Variants in AGAP1 observed in about 807,000 individuals in gnomAD.
AGAP1 encodes the protein arf-GAP with GTPase, ANK repeat and PH domain-containing protein 1.
AGAP1 carries 29 observed loss-of-function variants against 105.3 expected under a neutral mutation model. That is an observed-to-expected ratio of 0.28 (90% CI 0.21 to 0.38). The LOEUF (loss-of-function observed/expected upper bound fraction) is 0.38, where lower values mean the gene tolerates loss of function less well. AGAP1 is among the 10% of genes least tolerant of loss of function. AGAP1 has a pLI of 1.00. For synonymous variants in AGAP1, 509 were observed against 485.9 expected (o/e 1.05, Z -0.63); for missense variants, 998 against 1,165.1 (o/e 0.86, Z 2.09).
At position 235,621,247 on chromosome 2, in the gene AGAP1, C is replaced by T. The variant is rs1050763587; in HGVS notation, c.164-87932C>T. ...GTGTTGGCCAGGGTGGTCTTGAACT[C>T]CTGACCTCTGGTGATCCGCCCACCT... On this transcript the variant is annotated intron_variant, in intron 1 of 17. Transcript: ENST00000304032. This position sits in a 1 kb window ranked among gnomAD's most constrained non-coding sequence, Gnocchi z 4.1. Among the ~76,000 whole-genome samples the T allele has an allele frequency of 3.3e-5, 5 of 152,160 alleles. No individual in the cohort carries two copies. Among genetic ancestry groups the T allele is most frequent in the Admixed American group, 2.0e-4 (3 of 15,280 alleles).
rs1185559919 is a variant in AGAP1 at position 235,692,438 on chromosome 2, G to A, written c.164-16741G>A. Among the ~76,000 whole-genome samples the A allele has an allele frequency of 6.6e-6, 1 of 152,182 alleles. No homozygotes were observed. Among genetic ancestry groups the A allele is most frequent in the African/African-American group, 2.4e-5 (1 of 41,436 alleles). On this transcript the variant is annotated intron_variant, in intron 1 of 17. Transcript: ENST00000304032. The surrounding 1 kb of genome is among the most constrained non-coding windows in gnomAD (Gnocchi z 5.8). Reference sequence around the variant, plus strand: ...ACAGGAGGGGCACCAGCTAGAAAATGTGACCCATGTTGCCAACTCCCAAAA... The same window carrying A: ...ACAGGAGGGGCACCAGCTAGAAAATATGACCCATGTTGCCAACTCCCAAAA...
intron 1 of AGAP1, among the ~76,000 whole-genome samples, chr2:235,562,055 T>A (rs1211202572): frequency 6.6e-6 from 1 of 152,188 alleles, no homozygotes; most frequent in Admixed American, 6.5e-5. Context: ...ATATTTGAGC[T>A]GAGAGATTGG....
chr2:235,869,703 TACTTTC>T (rs1269626935), intron 9 of AGAP1, among the ~76,000 whole-genome samples: 3 of 152,230 alleles, frequency 2.0e-5, no homozygotes, highest in Non-Finnish European at 4.4e-5. Context: ...CTCCACAAGA[TACTTTC>T]TTAGGGCTAC....
chr2:235,798,797 A>G (rs35460790), intron 7 of AGAP1, among the ~76,000 whole-genome samples: 1,946 of 151,010 alleles, frequency 0.013, 21 homozygotes, highest in Middle Eastern at 0.024. Context: ...TCTGCCCAGC[A>G]GAAGAGCTAG....
Position 235,676,138 on chromosome 2 carries a change from A to AGAGG in AGAP1, c.164-33040_164-33037dup, listed in dbSNP as rs1948723506. 2.6e-5 allele frequency among the ~76,000 whole-genome samples: 4 copies of AGAGG among 152,242 alleles called. No individual in the cohort carries two copies. In the South Asian group the frequency reaches 8.3e-4, roughly 32 times the overall value. ...TAACTAGAGCACAGTTCCTGTCTTCAGAGGTCAGTAGCATACTGGAGGAGA... is the reference window on the plus strand; with the variant it reads ...TAACTAGAGCACAGTTCCTGTCTTCAGAGGGAGGTCAGTAGCATACTGGAGGAGA... On this transcript the variant is annotated intron_variant, in intron 1 of 17. Transcript: ENST00000304032.
At chr2:236,060,479 A>G (rs370749713) in intron 16 of AGAP1, among the ~76,000 whole-genome samples, 6 of 152,258 alleles carry the variant, frequency 3.9e-5, no homozygotes, top group African/African-American at 1.4e-4. Flanking sequence ...ACTGGAGCCC[A>G]GGAGTTTGAC....
rs558629808 is a variant in AGAP1, at chr2:235,958,451, C to T, written c.1484-10011C>T. 1.3e-4 allele frequency among the ~76,000 whole-genome samples: 20 copies of T among 152,142 alleles called. No individual in the cohort carries two copies. Among genetic ancestry groups the T allele is most frequent in the Admixed American group, 2.6e-4 (4 of 15,270 alleles). ...ACACATTTAGAGACCCTCGGGAGCG[C>T]GAGGGATATGAGAATCACAAGCACA... On this transcript the variant is annotated intron_variant, in intron 12 of 17. Coordinates refer to ENST00000304032, the MANE Select transcript of AGAP1 (RefSeq NM_001037131.3). The surrounding 1 kb of genome is among the most constrained non-coding windows in gnomAD (Gnocchi z 4.1).
At chr2:235,984,312 T>C (rs2055214055) in intron 13 of AGAP1, among the ~76,000 whole-genome samples, 1 of 152,208 alleles carries the variant, frequency 6.6e-6, no homozygotes, top group Admixed American at 6.5e-5. Context: ...CTTGGATTGT[T>C]TCCGCCTTTT....
intron 6 of AGAP1, among the ~76,000 whole-genome samples, chr2:235,767,682 G>A (rs1458742438): frequency 1.3e-5 from 2 of 151,528 alleles, no homozygotes; most frequent in African/African-American, 4.9e-5. Context: ...CAGCTGCTGT[G>A]TTCCCTGTGG....
intron 1 of AGAP1, among the ~76,000 whole-genome samples, chr2:235,629,268 TTGTGTGTGTGTGTGTGTGTGTGTG>T (rs60059513): frequency 9.6e-5 from 13 of 135,720 alleles, no homozygotes; most frequent in Non-Finnish European, 1.6e-4. Context: ...GTAGTAGTCA[TTGTGTGTGTGTGTGTGTGTGTGTG>T]TGTGTGTGTG....
At position 235,732,947 on chromosome 2, in the gene AGAP1, C is replaced by T. The variant is rs2149617860; in HGVS notation, c.311-8016C>T. Among the ~76,000 whole-genome samples, 1 of 152,296 alleles carries T rather than the reference C, an allele frequency of 6.6e-6. No homozygotes were observed. Among genetic ancestry groups the T allele is most frequent in the East Asian group, 1.9e-4 (1 of 5,156 alleles). ...GGTGTTGGGGGCATCTTTCGAGTCTCACTGCCCACGCTGTGGGAGCTGAGA... is the reference window on the plus strand; with the variant it reads ...GGTGTTGGGGGCATCTTTCGAGTCTTACTGCCCACGCTGTGGGAGCTGAGA... On this transcript the variant is annotated intron_variant, in intron 3 of 17. Transcript: ENST00000304032. The surrounding 1 kb of genome is among the most constrained non-coding windows in gnomAD (Gnocchi z 4.8).
Position 235,701,850 on chromosome 2 carries a change from C to G in AGAP1, c.164-7329C>G, listed in dbSNP as rs1313091182. Among the ~76,000 whole-genome samples, 1 of 152,114 alleles carries G rather than the reference C, an allele frequency of 6.6e-6. No individual in the cohort carries two copies. Among genetic ancestry groups the G allele is most frequent in the Admixed American group, 6.6e-5 (1 of 15,264 alleles). On this transcript the variant is annotated intron_variant, in intron 1 of 17. Transcript: ENST00000304032. The surrounding 1 kb of genome is among the most constrained non-coding windows in gnomAD (Gnocchi z 4.1). ...GGCAGCCACAGCCTCCTCCGATGCT[C>G]CTCTCCTCTGTGGATGTACCATCTT...
rs970384864 is a variant in AGAP1, at chr2:235,989,294, C to G, written c.1645+20671C>G. On this transcript the variant is annotated intron_variant, in intron 13 of 17. Transcript: ENST00000304032. The surrounding 1 kb of genome is among the most constrained non-coding windows in gnomAD (Gnocchi z 4.4). ...CGCTGCTGCGTGTGGCTTCACCCAG[C>G]TCCTCTGCCCATCTGGTGACTTTGC... Among the ~76,000 whole-genome samples, 1 of 152,170 alleles carries G rather than the reference C, an allele frequency of 6.6e-6. No individual in the cohort carries two copies. Among genetic ancestry groups the G allele is most frequent in the African/African-American group, 2.4e-5 (1 of 41,444 alleles).
chr2:235,817,894 A>T (rs756937742), intron 9 of AGAP1, among the ~76,000 whole-genome samples: 19 of 152,230 alleles, frequency 1.2e-4, no homozygotes, highest in Non-Finnish European at 1.9e-4. Flanking sequence ...CTGTCTCAAA[A>T]AAAAGAAGAG....
chr2:235,744,547 T>G lies in AGAP1; in HGVS notation c.397-151T>G, dbSNP rs372070168. 120 of 874,500 alleles carry G rather than the reference T, an allele frequency of 1.4e-4. 1 individual carries two copies. The East Asian group carries it at 2.8e-3, about 20-fold the overall frequency. The allele number at this position is 874,500 out of a possible 1,614,324, so 54.2% of individuals were successfully genotyped here. A position where few individuals can be genotyped will look rare whatever the true frequency, so the allele number is the denominator to read the frequency against. On this transcript the variant is annotated intron_variant, in intron 4 of 17. Coordinates refer to ENST00000304032, the MANE Select transcript of AGAP1 (RefSeq NM_001037131.3). The surrounding 1 kb of genome is among the most constrained non-coding windows in gnomAD (Gnocchi z 5.2). Reference sequence around the variant, plus strand: ...GAGGAGGACGTGGATGCCGTGACAGTGTGTAAAAGTGACAGTCAAAAGTCA... The same window carrying G: ...GAGGAGGACGTGGATGCCGTGACAGGGTGTAAAAGTGACAGTCAAAAGTCA...
chr2:235,867,795 G>A lies in AGAP1; in HGVS notation c.1051-15550G>A, dbSNP rs553293147. ...GATGTACCATTTTCCGCATGGAGCT[G>A]GTGCCGTGGGGGAAGAATAGGTCAC... On this transcript the variant is annotated intron_variant, in intron 9 of 17. Transcript: ENST00000304032. The surrounding 1 kb of genome is among the most constrained non-coding windows in gnomAD (Gnocchi z 5.4). Among the ~76,000 whole-genome samples the A allele has an allele frequency of 2.0e-5, 3 of 152,154 alleles. No homozygotes were observed. Among genetic ancestry groups the A allele is most frequent in the East Asian group, 1.9e-4 (1 of 5,192 alleles).
chr2:236,047,594 A>ATTTTTTTTTT (rs2057759642), intron 15 of AGAP1, among the ~76,000 whole-genome samples: 6 of 92,478 alleles, frequency 6.5e-5, no homozygotes, highest in Non-Finnish European at 8.0e-5. Flanking sequence ...CTCTTCTCAC[A>ATTTTTTTTTT]TTTCTTTTTT....
chr2:235,995,747 G>A (rs986795924), intron 13 of AGAP1, among the ~76,000 whole-genome samples: 5 of 152,224 alleles, frequency 3.3e-5, no homozygotes, highest in African/African-American at 7.2e-5. Flanking sequence ...TCTCTGTCTC[G>A]GAGCCATACT....
chr2:235,709,368 G>A, intron 2 of AGAP1, 131 bp downstream of exon 2: 1 of 1,033,496 alleles, frequency 9.7e-7, no homozygotes, highest in East Asian at 2.4e-5. Context: ...TGTGTTCCTG[G>A]GAAGGGCCAG....
Sources: gnomAD v4.1 joint callset for allele counts (sites outside exome capture counted in the v4.1 genomes callset) on GRCh38, gnomAD v4.1.1 for gene constraint, Gnocchi (gnomAD v3.1) non-coding constraint, MANE v1.5 for transcripts, NCBI Gene and HGNC (gene_info 2026-07-23, HGNC 2026-07-21) for gene names.